SCIMP: variants seen among roughly 807,000 people sequenced by gnomAD.
The protein encoded by SCIMP is SLP adaptor and CSK interacting membrane protein.
Under a neutral mutation model 22.0 loss-of-function variants are expected in SCIMP, and 18 were observed. The ratio of observed to expected loss-of-function variants is 0.82; its 90% confidence interval spans 0.56 to 1.21. The LOEUF is 1.21. Ranked by LOEUF, SCIMP falls within the 50% of genes most tolerant of loss-of-function variation. SCIMP has a pLI of 0.00. For synonymous variants in SCIMP, 53 were observed against 62.2 expected, an observed-to-expected ratio of 0.85 and a Z score of 0.70; for missense variants, 155 against 171.2, an observed-to-expected ratio of 0.91 and a Z score of 0.53.
Position 5,210,957 on chromosome 17 carries a change from T to A in SCIMP, c.284-2A>T. The stretch of plus-strand genomic sequence containing the variant: ...GCTGACTTGGGGCTTCCTGTGGGGC[T>A]AGAATACACAAAAAGCTCCTTAGAT... On this transcript the variant is annotated splice_acceptor_variant, in intron 4 of 4. Transcript: ENST00000574081. LOFTEE classifies it high-confidence loss of function. The A allele has an allele frequency of 6.3e-7, 1 of 1,598,792 alleles. No homozygotes were observed. Among genetic ancestry groups the A allele is most frequent in the African/African-American group, 1.4e-5 (1 of 73,882 alleles).
chr17:5,229,226 A>T (rs1040904441), intron 1 of SCIMP, among the ~76,000 whole-genome samples: 1 of 151,906 alleles, frequency 6.6e-6, no homozygotes, highest in African/African-American at 2.4e-5. Context: ...ATTTGGCAAG[A>T]CCTTCCACAG....
Position 5,234,813 on chromosome 17 carries a change from TGA to T in SCIMP, c.-60_-59del. 6.3e-7 allele frequency: 1 copy of T among 1,581,458 alleles called. No individual in the cohort carries two copies. Among genetic ancestry groups the T allele is most frequent in the Non-Finnish European group, 8.6e-7 (1 of 1,163,252 alleles). On this transcript the variant is annotated 5_prime_UTR_variant, in exon 1 of 5. The change abolishes the stop of an existing upstream ORF in the 5' untranslated region. Coordinates refer to ENST00000574081, the MANE Select transcript of SCIMP (RefSeq NM_207103.3). Reference sequence around the variant, plus strand: ...AGTGCTGCAGCTCAGGCACAGCTGGTGAGAGGCATTCCTCACTCACAGGCCTT... The same window carrying T: ...AGTGCTGCAGCTCAGGCACAGCTGGTGAGGCATTCCTCACTCACAGGCCTT...
chr17:5,232,061 C>CA (rs35142930), intron 1 of SCIMP, among the ~76,000 whole-genome samples: 72,469 of 147,856 alleles, frequency 0.49, 19,703 homozygotes, highest in Non-Finnish European at 0.64. Context: ...GTCTCAAAAA[C>CA]AAAAAAAAAA....
At chr17:5,224,278 G>A (rs2074630798) in intron 1 of SCIMP, among the ~76,000 whole-genome samples, 1 of 151,884 alleles carries the variant, frequency 6.6e-6, no homozygotes, top group South Asian at 2.1e-4. Flanking sequence ...GGGACTACAG[G>A]CGCCCACGAC....
intron 1 of SCIMP, among the ~76,000 whole-genome samples, chr17:5,230,806 G>A (rs151187473): frequency 1.1e-4 from 16 of 152,168 alleles, no homozygotes; most frequent in Middle Eastern, 6.8e-3. Flanking sequence ...CAGATGTGGC[G>A]GCATGTGCCT....
intron 3 of SCIMP, among the ~76,000 whole-genome samples, chr17:5,215,632 A>G (rs1242309127): frequency 6.6e-6 from 1 of 152,038 alleles, no homozygotes; most frequent in Non-Finnish European, 1.5e-5. Context: ...CAAATAAAAA[A>G]ACAAAAAACA....
In SCIMP at chr17:5,234,800, C is replaced by T. The variant is rs1256868784; in HGVS notation, c.-45G>A. On this transcript the variant is annotated 5_prime_UTR_variant, in exon 1 of 5. An upstream open reading frame in the 5' UTR loses its in-frame stop. Transcript: ENST00000574081. ...CAGCAGTGGCTGGAGTGCTGCAGCT[C>T]AGGCACAGCTGGTGAGAGGCATTCC... is the stretch of plus-strand genomic sequence containing the variant. The T allele has an allele frequency of 1.9e-6, 3 of 1,594,884 alleles. No individual in the cohort carries two copies. Among genetic ancestry groups the T allele is most frequent in the Non-Finnish European group, 2.6e-6 (3 of 1,170,728 alleles).
At chr17:5,222,862 G>A (rs184880137) in intron 2 of SCIMP, among the ~76,000 whole-genome samples, 12 of 151,936 alleles carry the variant, frequency 7.9e-5, no homozygotes, top group Non-Finnish European at 1.5e-4. Context: ...ACGGGGTTTC[G>A]CCATTTTGGC....
At chr17:5,233,457 C>G (rs554621149) in intron 1 of SCIMP, among the ~76,000 whole-genome samples, 1 of 152,152 alleles carries the variant, frequency 6.6e-6, no homozygotes, top group Non-Finnish European at 1.5e-5. Flanking sequence ...ACTGCAACCT[C>G]CACCTCCCGG....
At position 5,231,924 on chromosome 17, in the gene SCIMP, C is replaced by T. The variant is rs147252228; in HGVS notation, c.21+2811G>A. On this transcript the variant is annotated intron_variant, in intron 1 of 4. Coordinates refer to ENST00000574081, the MANE Select transcript of SCIMP (RefSeq NM_207103.3). ...ACAAAAAATTAGCCAGGCATGGTGG[C>T]AGGCGCCTGTAGTCCCAGCTACTCG... 8.2e-3 allele frequency among the ~76,000 whole-genome samples: 1,245 copies of T among 152,274 alleles called. 17 individuals carry two copies. The highest frequency in any genetic ancestry group is 0.028 in the African/African-American group (1,181 of 41,548).
intron 1 of SCIMP, among the ~76,000 whole-genome samples, chr17:5,229,891 T>G (rs1401806950): frequency 7.4e-6 from 1 of 134,350 alleles, no homozygotes; most frequent in Non-Finnish European, 1.5e-5. Context: ...TCCTCTCCAC[T>G]CCTCTCCTCT....
intron 3 of SCIMP, among the ~76,000 whole-genome samples, chr17:5,219,563 GGTT>G (rs1289114161): frequency 6.6e-6 from 1 of 151,786 alleles, no homozygotes; most frequent in Admixed American, 6.6e-5. Context: ...GGGAGGCAGA[GGTT>G]GCAGGGAGCC....
chr17:5,225,173 T>C (rs1597291650), intron 1 of SCIMP, among the ~76,000 whole-genome samples: 1 of 152,236 alleles, frequency 6.6e-6, no homozygotes, highest in African/African-American at 2.4e-5. Context: ...CCAATAAAAC[T>C]GCATAACACG....
At chr17:5,214,757 A>G (rs374351009) in intron 4 of SCIMP, 168 bp downstream of exon 4, 6 of 512,492 alleles carry the variant, frequency 1.2e-5, no homozygotes, top group East Asian at 3.2e-5. Flanking sequence ...GGAGAATGGC[A>G]TGAACCCGGG....
chr17:5,230,292 G>A (rs1384931620), intron 1 of SCIMP, among the ~76,000 whole-genome samples: 3 of 152,182 alleles, frequency 2.0e-5, no homozygotes, highest in African/African-American at 7.2e-5. Flanking sequence ...AACCAACCAA[G>A]TTCTATTTAC....
intron 1 of SCIMP, among the ~76,000 whole-genome samples, chr17:5,232,037 CAG>C (rs1262861380): frequency 2.7e-5 from 4 of 149,980 alleles, no homozygotes; most frequent in Non-Finnish European, 3.0e-5. Context: ...GCCTGGGCGA[CAG>C]AGCGAGACTC....
chr17:5,226,574 C>T (rs9892674), intron 1 of SCIMP, among the ~76,000 whole-genome samples: 61 of 148,034 alleles, frequency 4.1e-4, no homozygotes, highest in African/African-American at 1.2e-3. Context: ...GGCGTGATCT[C>T]GGCTCACTGC....
chr17:5,215,656 T>G (rs77493189), intron 3 of SCIMP, among the ~76,000 whole-genome samples: 18,663 of 151,926 alleles, frequency 0.12, 1,260 homozygotes, highest in Non-Finnish European at 0.13. Flanking sequence ...GCAGATGAAC[T>G]CCTAAAGCAG....
intron 3 of SCIMP, among the ~76,000 whole-genome samples, chr17:5,220,786 G>A (rs2074600754): frequency 6.6e-6 from 1 of 150,672 alleles, no homozygotes. Flanking sequence ...AGGCGGGCCT[G>A]GTGGCTCACG....
Sources: allele counts gnomAD v4.1 joint callset (sites outside exome capture counted in the v4.1 genomes callset), GRCh38; gene constraint gnomAD v4.1.1; transcripts MANE v1.5; gene names NCBI Gene and HGNC (gene_info 2026-07-23, HGNC 2026-07-21).